Variants in RSRC2 observed in about 807,000 individuals in gnomAD.
RSRC2 encodes arginine/serine-rich coiled-coil protein 2.
RSRC2 carries 5 observed loss-of-function variants against 61.3 expected under a neutral mutation model. The ratio of observed to expected loss-of-function variants is 0.08; its 90% CI spans 0.04 to 0.17. The LOEUF (loss-of-function observed/expected upper bound fraction) is 0.17. Ranked by LOEUF, RSRC2 falls within the 10% of genes least tolerant of loss-of-function variation. The pLI is 1.00. For synonymous variants in RSRC2, 202 were observed against 166.5 expected (o/e 1.21, Z -1.64); for missense variants, 381 against 518.8 (o/e 0.73, Z 2.58).
At chr12:122,516,011 G>A (rs545924270) in intron 5 of RSRC2, among the ~76,000 whole-genome samples, 1 of 151,810 alleles carries the variant, frequency 6.6e-6, no homozygotes. Context: ...AAAACTAGAT[G>A]TCAGTGACCA....
Position 122,512,787 on chromosome 12 carries a change from T to C in RSRC2, c.726-1599A>G, listed in dbSNP as rs115642491. ...TGTTGAAATTTACATAAAAGAAATA[T>C]AACAAGCTATAATTTTATTCCCTTT... On this transcript the variant is annotated intron_variant, in intron 6 of 9. Coordinates refer to ENST00000331738, the MANE Select transcript of RSRC2 (RefSeq NM_023012.6). 3.8e-3 allele frequency among the ~76,000 whole-genome samples: 564 copies of C among 150,386 alleles called. 4 individuals carry two copies. Among genetic ancestry groups the C allele is most frequent in the African/African-American group, 0.013 (530 of 40,980 alleles).
At chr12:122,521,299 G>A (rs930837041) in intron 3 of RSRC2, 86 bp downstream of exon 3, 13 of 1,009,366 alleles carry the variant, frequency 1.3e-5, no homozygotes, top group Non-Finnish European at 1.8e-5. Context: ...TACTTACCTT[G>A]ACAACGTCTT....
rs746916090 is a variant in RSRC2 at position 122,518,825 on chromosome 12, A to C, written c.398+14T>G. The C allele has an allele frequency of 1.2e-6, 2 of 1,601,794 alleles. No individual in the cohort carries two copies. Among genetic ancestry groups the C allele is most frequent in the Non-Finnish European group, 1.7e-6 (2 of 1,169,128 alleles). On this transcript the variant is annotated intron_variant, in intron 4 of 9. Transcript: ENST00000331738. Reference sequence around the variant, plus strand: ...TTGTTAGAAGGTACTACATTATAATACAACATGACTTACCTTTCACGAGAC... The same window carrying C: ...TTGTTAGAAGGTACTACATTATAATCCAACATGACTTACCTTTCACGAGAC...
At chr12:122,511,258 G>C in intron 6 of RSRC2, 70 bp from the exon 7 acceptor site, 7 of 1,150,434 alleles carry the variant, frequency 6.1e-6, no homozygotes, top group Non-Finnish European at 7.4e-6. Context: ...CTCTCTATAT[G>C]TGCATGTACA....
intron 8 of RSRC2, among the ~76,000 whole-genome samples, chr12:122,507,673 G>GT (rs1322762202): frequency 6.7e-6 from 1 of 150,052 alleles, no homozygotes; most frequent in Non-Finnish European, 1.5e-5. Context: ...CTTATTATAA[G>GT]TTTTTTGAGA....
At chr12:122,522,678 A>T (rs1959404226) in intron 1 of RSRC2, 1 of 157,976 alleles carries the variant, frequency 6.3e-6, no homozygotes. Flanking sequence ...AATACTTTTA[A>T]ATTAGCATAC....
intron 6 of RSRC2, chr12:122,514,687 A>G (rs1958777881): frequency 2.6e-6 from 3 of 1,156,616 alleles, no homozygotes; most frequent in Non-Finnish European, 3.3e-6. Flanking sequence ...CTTCAAAATA[A>G]TAATATTGAC....
At chr12:122,507,152 C>A in intron 8 of RSRC2, 1 of 521,396 alleles carries the variant, frequency 1.9e-6, no homozygotes, top group Non-Finnish European at 3.4e-6. Context: ...CCGAGGTGGG[C>A]AAATCACCTG....
At chr12:122,514,800 G>T in intron 6 of RSRC2, 1 of 861,842 alleles carries the variant, frequency 1.2e-6, no homozygotes, top group Non-Finnish European at 1.5e-6. Context: ...TCTTGAACCA[G>T]ATTTAAGACT....
intron 2 of RSRC2, 106 bp from the exon 3 acceptor site, chr12:122,521,534 C>A: frequency 1.1e-6 from 1 of 900,112 alleles, no homozygotes; most frequent in Non-Finnish European, 1.8e-6. Context: ...AGTCTTCTTC[C>A]AATGACTAAT....
In RSRC2 at chr12:122,505,492, T is replaced by G; in HGVS notation, c.*35A>C. Reference sequence around the variant, plus strand: ...AAGGACGTGACATCAGAACAAGAAGTCTATAAGTCCCAAACTTTACAAGTG... The same window carrying G: ...AAGGACGTGACATCAGAACAAGAAGGCTATAAGTCCCAAACTTTACAAGTG... On this transcript the variant is annotated 3_prime_UTR_variant, in exon 10 of 10. Coordinates refer to ENST00000331738, the MANE Select transcript of RSRC2 (RefSeq NM_023012.6). The G allele has an allele frequency of 1.3e-6, 2 of 1,595,574 alleles. No individual in the cohort carries two copies. The highest frequency in any genetic ancestry group is 1.7e-6 in the Non-Finnish European group (2 of 1,166,832).
intron 5 of RSRC2, 129 bp downstream of exon 5, chr12:122,517,098 G>C (rs1249866705): frequency 6.8e-6 from 9 of 1,332,462 alleles, no homozygotes; most frequent in Non-Finnish European, 9.3e-6. Flanking sequence ...GTTAGGTAAT[G>C]ACTAAAATAA....
At chr12:122,523,386 C>A (rs574747914) in intron 1 of RSRC2, 1 of 152,076 alleles carries the variant, frequency 6.6e-6, no homozygotes, top group Non-Finnish European at 1.5e-5. Context: ...AGTGGTGGGG[C>A]GTGCCTGTAA....
In RSRC2 at chr12:122,504,311, G is replaced by A. The variant is rs1208183053; in HGVS notation, c.*1216C>T. Reference sequence around the variant, plus strand: ...AGGCCCCCCCCACCCCTTGGCTCCAGATTTATGTTCAATCTAGTAACAAAA... The same window carrying A: ...AGGCCCCCCCCACCCCTTGGCTCCAAATTTATGTTCAATCTAGTAACAAAA... On this transcript the variant is annotated 3_prime_UTR_variant, in exon 10 of 10. Transcript: ENST00000331738. 6.6e-6 allele frequency: 1 copy of A among 152,034 alleles called. No individual in the cohort carries two copies. The highest frequency in any genetic ancestry group is 2.4e-5 in the African/African-American group (1 of 41,382). The allele number at this position is 152,034 out of a possible 1,614,324, so 9.4% of individuals were successfully genotyped here.
rs571861514 is a variant in RSRC2 at position 122,524,088 on chromosome 12, C to CT, written c.7-1790dup. 3.8e-4 allele frequency among the ~76,000 whole-genome samples: 58 copies of CT among 152,242 alleles called. No homozygotes were observed. The East Asian group carries it at 0.011, about 29-fold the overall frequency. On this transcript the variant is annotated intron_variant, in intron 1 of 9. Coordinates refer to ENST00000331738, the MANE Select transcript of RSRC2 (RefSeq NM_023012.6). ...TTTTTATGCTGAAAGGTTTTCACCC[C>CT]TTAGAATAGAGTTCAACTTTCTCGT...
rs1565916002 is a variant in RSRC2 at position 122,526,916 on chromosome 12, TC to T, written c.-64del. ...TGTCGCTTTCAACAGTACCGGCCGC[TC>T]CGAAGCTTCGCCTCAGACTAAATCG... On this transcript the variant is annotated 5_prime_UTR_variant, in exon 1 of 10. Transcript: ENST00000331738. 6.3e-7 allele frequency: 1 copy of T among 1,599,506 alleles called. No homozygotes were observed. Among genetic ancestry groups the T allele is most frequent in the African/African-American group, 1.3e-5 (1 of 74,500 alleles).
chr12:122,518,661 A>G (rs1959102893), intron 4 of RSRC2, among the ~76,000 whole-genome samples, 178 bp downstream of exon 4: 1 of 152,174 alleles, frequency 6.6e-6, no homozygotes, highest in Admixed American at 6.5e-5. Flanking sequence ...CATTCTTGGA[A>G]ACCATTTTTG....
At position 122,505,008 on chromosome 12, in the gene RSRC2, T is replaced by TA. The variant is rs1279976637; in HGVS notation, c.*518dup. ...CAATTGCCAAATGCTACAGAAACTA[T>TA]AAAACAAATTCAAAGAAACATCCCA... On this transcript the variant is annotated 3_prime_UTR_variant, in exon 10 of 10. Transcript: ENST00000331738. The TA allele has an allele frequency of 3.3e-5, 5 of 152,772 alleles. No homozygotes were observed. The East Asian group carries it at 9.6e-4, about 29-fold the overall frequency. 9.5% of individuals were successfully genotyped at this position (152,772 alleles called of 1,614,324 possible).
intron 6 of RSRC2, 126 bp from the exon 7 acceptor site, chr12:122,511,314 C>T (rs1179023086): frequency 1.4e-5 from 8 of 583,990 alleles, no homozygotes; most frequent in African/African-American, 9.5e-5. Flanking sequence ...AGCATCCCTC[C>T]ACCGATAGCC....
Sources: allele counts gnomAD v4.1 joint callset (sites outside exome capture counted in the v4.1 genomes callset), GRCh38; gene constraint gnomAD v4.1.1; transcripts MANE v1.5; gene names NCBI Gene and HGNC (gene_info 2026-07-23, HGNC 2026-07-21).